Variants in DNM3 observed in about 807,000 individuals in gnomAD.
DNM3 encodes the protein dynamin 3, also known as dynamin-3.
In DNM3, 47 loss-of-function variants were observed where a neutral mutation model predicts 101.6. The ratio of observed to expected loss-of-function variants is 0.46; its 90% CI spans 0.37 to 0.59. The LOEUF (loss-of-function observed/expected upper bound fraction) is 0.59, where lower values mean the gene tolerates loss of function less well. Ranked by LOEUF, DNM3 falls within the 20% of genes least tolerant of loss-of-function variation. DNM3 has a pLI of 0.00. For missense variants in DNM3, 849 were observed against 1,085.7 expected (o/e 0.78, Z 3.06); for synonymous variants, 385 against 387.9 (o/e 0.99, Z 0.09).
intron 14 of DNM3, among the ~76,000 whole-genome samples, chr1:172,163,415 T>G (rs1390729153): frequency 1.3e-5 from 2 of 151,898 alleles, no homozygotes; most frequent in African/African-American, 4.8e-5. Context: ...ATTTTTTGTA[T>G]TTTTGGTAGA....
intron 11 of DNM3, among the ~76,000 whole-genome samples, chr1:172,078,720 A>T (rs2052885933): frequency 6.6e-6 from 1 of 151,568 alleles, no homozygotes; most frequent in African/African-American, 2.4e-5. Context: ...TATAGTGTCG[A>T]TTTTTTTTAC....
chr1:172,035,899 T>A (rs926820900), intron 6 of DNM3, among the ~76,000 whole-genome samples: 1 of 152,194 alleles, frequency 6.6e-6, no homozygotes, highest in Non-Finnish European at 1.5e-5. Flanking sequence ...ATTTATTTAA[T>A]AAATATATTC....
intron 6 of DNM3, among the ~76,000 whole-genome samples, chr1:172,034,781 T>C (rs1477240482): frequency 6.6e-6 from 1 of 151,974 alleles, no homozygotes; most frequent in Non-Finnish European, 1.5e-5. Context: ...TTTTGAAAAA[T>C]TGAATGAAAT....
At chr1:172,132,082 G>T (rs539136750) in intron 14 of DNM3, among the ~76,000 whole-genome samples, 1 of 152,104 alleles carries the variant, frequency 6.6e-6, no homozygotes, top group Non-Finnish European at 1.5e-5. Flanking sequence ...TTATAATGCG[G>T]CATGCAAACA....
intron 14 of DNM3, among the ~76,000 whole-genome samples, chr1:172,160,064 A>T (rs1397715289): frequency 3.3e-5 from 4 of 121,368 alleles, no homozygotes; most frequent in Non-Finnish European, 7.0e-5. Flanking sequence ...ATAAAAGATA[A>T]AAAAAAAAAA....
At chr1:172,387,438 A>T in intron 19 of DNM3, 79 bp downstream of exon 19, 1 of 1,196,440 alleles carries the variant, frequency 8.4e-7, no homozygotes, top group South Asian at 1.4e-5. Flanking sequence ...CGGGCGGATC[A>T]CGAGGTCAGG....
At position 172,338,593 on chromosome 1, in the gene DNM3, G is replaced by A. The variant is rs765477400; in HGVS notation, c.1893+15253G>A. ...GTCATTCCATTTCCTCATTGAAAACGACTGTTGGCAATCCCCAGGCTGGAA... is the reference window on the plus strand; with the variant it reads ...GTCATTCCATTTCCTCATTGAAAACAACTGTTGGCAATCCCCAGGCTGGAA... On this transcript the variant is annotated intron_variant, in intron 17 of 20. Coordinates refer to ENST00000627582, the MANE Select transcript of DNM3 (RefSeq NM_015569.5). 2.6e-5 allele frequency among the ~76,000 whole-genome samples: 4 copies of A among 152,128 alleles called. No individual in the cohort carries two copies. In the East Asian group the frequency reaches 7.7e-4, roughly 29 times the overall value.
chr1:172,006,525 G>T (rs1318408083), intron 4 of DNM3, among the ~76,000 whole-genome samples: 1 of 151,996 alleles, frequency 6.6e-6, no homozygotes, highest in East Asian at 1.9e-4. Context: ...TCTGCTTCTT[G>T]TTAATTCCAT....
At chr1:172,368,375 C>T (rs1465541116) in intron 17 of DNM3, among the ~76,000 whole-genome samples, 5 of 151,592 alleles carry the variant, frequency 3.3e-5, no homozygotes, top group African/African-American at 9.7e-5. Context: ...CCAAAACAAC[C>T]AAAGGGTAAA....
At chr1:171,959,711 G>A (rs2043089172) in intron 2 of DNM3, among the ~76,000 whole-genome samples, 1 of 152,144 alleles carries the variant, frequency 6.6e-6, no homozygotes. Context: ...AAAGATAGGA[G>A]GAAAAGTGAG....
intron 17 of DNM3, chr1:172,376,228 C>T (rs2068593868): frequency 6.6e-6 from 1 of 151,986 alleles, no homozygotes; most frequent in Non-Finnish European, 1.5e-5. Flanking sequence ...TTTTTAGAAA[C>T]AAGCTGGTTT....
intron 1 of DNM3, among the ~76,000 whole-genome samples, chr1:171,853,995 C>G (rs961957418): frequency 1.3e-5 from 2 of 152,178 alleles, no homozygotes; most frequent in African/African-American, 4.8e-5. Context: ...GACTTAAGAA[C>G]ATGAATAGCT....
chr1:171,978,351 G>A (rs1009382886), intron 2 of DNM3, among the ~76,000 whole-genome samples: 2 of 152,218 alleles, frequency 1.3e-5, no homozygotes, highest in African/African-American at 2.4e-5. Context: ...GGAAATGACA[G>A]GAAGGAGCCA....
intron 14 of DNM3, among the ~76,000 whole-genome samples, chr1:172,192,910 T>C (rs2059789809): frequency 6.6e-6 from 1 of 151,210 alleles, no homozygotes; most frequent in Admixed American, 6.6e-5. Flanking sequence ...GATGGCTGGG[T>C]CAAATGGTAT....
chr1:171,994,724 T>A (rs2045877866), intron 4 of DNM3, among the ~76,000 whole-genome samples: 1 of 151,970 alleles, frequency 6.6e-6, no homozygotes, highest in Non-Finnish European at 1.5e-5. Context: ...TTTCTTTTTT[T>A]TTTTGCCCCA....
At chr1:172,258,379 C>G (rs1334252949) in intron 15 of DNM3, among the ~76,000 whole-genome samples, 2 of 151,916 alleles carry the variant, frequency 1.3e-5, no homozygotes, top group African/African-American at 2.4e-5. Context: ...ATTTACATTC[C>G]CACCAAGAGT....
At chr1:172,162,131 A>G (rs151245058) in intron 14 of DNM3, among the ~76,000 whole-genome samples, 3 of 152,142 alleles carry the variant, frequency 2.0e-5, no homozygotes, top group Non-Finnish European at 4.4e-5. Flanking sequence ...AAATATTTTT[A>G]TAATAGTAGG....
intron 17 of DNM3, among the ~76,000 whole-genome samples, chr1:172,355,728 A>G (rs1178768951): frequency 6.6e-6 from 1 of 152,162 alleles, no homozygotes; most frequent in Admixed American, 6.6e-5. Flanking sequence ...ATTACCTAGA[A>G]TGTAACACAG....
At chr1:172,213,046 T>C (rs1051482698) in intron 14 of DNM3, among the ~76,000 whole-genome samples, 1 of 152,154 alleles carries the variant, frequency 6.6e-6, no homozygotes, top group African/African-American at 2.4e-5. Context: ...AATCTGAATC[T>C]CAAGAAGTTG....
Sources: gnomAD v4.1 joint callset for allele counts (sites outside exome capture counted in the v4.1 genomes callset) on GRCh38, gnomAD v4.1.1 for gene constraint, MANE v1.5 for transcripts, NCBI Gene and HGNC (gene_info 2026-07-23, HGNC 2026-07-21) for gene names.